Variants in BTBD9 observed in about 807,000 individuals in gnomAD.
BTBD9 encodes the protein BTB domain containing 9, also known as BTB/POZ domain-containing protein 9.
In BTBD9, 49 loss-of-function variants were observed where a neutral mutation model predicts 64.3. The observed-to-expected ratio is 0.76, with a 90% CI of 0.61 to 0.97. The LOEUF (loss-of-function observed/expected upper bound fraction) is 0.97. BTBD9 is among the 50% of genes least tolerant of loss of function. The pLI is 0.00. For missense variants in BTBD9, 598 were observed against 762.1 expected, an observed-to-expected ratio of 0.78 and a Z score of 2.53; for synonymous variants, 260 against 274.7, an observed-to-expected ratio of 0.95 and a Z score of 0.53.
chr6:38,386,630 CTTTTTTTTT>C (rs11423572), intron 6 of BTBD9, among the ~76,000 whole-genome samples: 3 of 92,772 alleles, frequency 3.2e-5, no homozygotes, highest in African/African-American at 1.3e-4. Flanking sequence ...CCAGTTTACT[CTTTTTTTTT>C]TTTTTTTTTT....
chr6:38,477,111 G>A (rs904799817), intron 6 of BTBD9, among the ~76,000 whole-genome samples: 1 of 152,156 alleles, frequency 6.6e-6, no homozygotes, highest in African/African-American at 2.4e-5. Flanking sequence ...ATCCTAAAAG[G>A]GAAGAGCTCC....
chr6:38,423,095 T>C (rs1466277286), intron 6 of BTBD9, among the ~76,000 whole-genome samples: 1 of 152,012 alleles, frequency 6.6e-6, no homozygotes, highest in Non-Finnish European at 1.5e-5. Context: ...TAAAACCTCG[T>C]CTCTACTAAA....
At chr6:38,348,330 GTTTAAGA>G (rs1435479510) in intron 6 of BTBD9, among the ~76,000 whole-genome samples, 1 of 152,164 alleles carries the variant, frequency 6.6e-6, no homozygotes, top group East Asian at 1.9e-4. Context: ...TATAGGTAAA[GTTTAAGA>G]TTTATTTCTT....
intron 4 of BTBD9, among the ~76,000 whole-genome samples, chr6:38,590,741 C>T (rs762644246): frequency 1.3e-5 from 2 of 152,162 alleles, no homozygotes; most frequent in East Asian, 1.9e-4. Context: ...TTTCTGAAAT[C>T]GCAGTGTAGA....
intron 9 of BTBD9, among the ~76,000 whole-genome samples, chr6:38,198,223 G>C (rs900269077): frequency 6.6e-6 from 1 of 152,236 alleles, no homozygotes; most frequent in African/African-American, 2.4e-5. Flanking sequence ...GAATTTGCTG[G>C]AGATGGAATT....
chr6:38,610,846 G>A (rs536954652), intron 1 of BTBD9, among the ~76,000 whole-genome samples: 1 of 150,424 alleles, frequency 6.6e-6, no homozygotes, highest in African/African-American at 2.4e-5. Flanking sequence ...TCCTATGGCC[G>A]AGCAATTTAG....
chr6:38,266,578 A>AGAAAGAAAGGAAAGAAAG (rs1198955278), intron 8 of BTBD9, among the ~76,000 whole-genome samples: 1 of 145,572 alleles, frequency 6.9e-6, no homozygotes, highest in African/African-American at 2.6e-5. Flanking sequence ...AGTCTCAACA[A>AGAAAGAAAGGAAAGAAAG]GAAAGAAAGG....
intron 9 of BTBD9, among the ~76,000 whole-genome samples, chr6:38,233,216 C>T (rs1763672290): frequency 6.6e-6 from 1 of 151,998 alleles, no homozygotes; most frequent in Non-Finnish European, 1.5e-5. Flanking sequence ...AAGTTGTTCC[C>T]AAAATATAAC....
intron 4 of BTBD9, among the ~76,000 whole-genome samples, chr6:38,585,970 A>G (rs1776502807): frequency 6.6e-6 from 1 of 151,174 alleles, no homozygotes; most frequent in African/African-American, 2.5e-5. Context: ...ACACACACAC[A>G]CACACACACG....
At chr6:38,327,889 A>G (rs1763503542) in intron 7 of BTBD9, among the ~76,000 whole-genome samples, 1 of 152,168 alleles carries the variant, frequency 6.6e-6, no homozygotes, top group African/African-American at 2.4e-5. Flanking sequence ...ACATTTCATG[A>G]AGAAATTACC....
chr6:38,361,631 A>T (rs1764964467), intron 6 of BTBD9, among the ~76,000 whole-genome samples: 1 of 152,188 alleles, frequency 6.6e-6, no homozygotes, highest in African/African-American at 2.4e-5. Flanking sequence ...ACCTGAGGTC[A>T]GGAGTTCGAG....
chr6:38,179,474 C>T (rs760904972), intron 10 of BTBD9: 2 of 456,760 alleles, frequency 4.4e-6, no homozygotes. Context: ...TCCCAGGGCT[C>T]CAGTTACAGC....
chr6:38,455,802 G>A (rs1163452237), intron 6 of BTBD9, among the ~76,000 whole-genome samples: 5 of 152,092 alleles, frequency 3.3e-5, no homozygotes, highest in Admixed American at 2.0e-4. Context: ...TCCACCTCCT[G>A]GAGTAGCGGG....
At chr6:38,192,142 T>A (rs3823431) in intron 10 of BTBD9, among the ~76,000 whole-genome samples, 90,227 of 152,092 alleles carry the variant, frequency 0.59, 27,629 homozygotes, top group African/African-American at 0.64. Context: ...GTGATAAGTC[T>A]GCAGCACGGC....
chr6:38,349,114 C>A (rs531395192), intron 6 of BTBD9, among the ~76,000 whole-genome samples: 3 of 152,088 alleles, frequency 2.0e-5, no homozygotes, highest in Non-Finnish European at 4.4e-5. Context: ...TCTCAAACTT[C>A]TGGGCTGAAA....
intron 6 of BTBD9, among the ~76,000 whole-genome samples, chr6:38,425,642 A>T (rs1768109423): frequency 6.6e-6 from 1 of 151,514 alleles, no homozygotes; most frequent in African/African-American, 2.4e-5. Context: ...ATGATAGCTT[A>T]TGCTTGTAAT....
chr6:38,316,920 T>C (rs1184077024), intron 7 of BTBD9, among the ~76,000 whole-genome samples: 1 of 152,216 alleles, frequency 6.6e-6, no homozygotes, highest in Non-Finnish European at 1.5e-5. Context: ...TGGCAAAGTA[T>C]TTATTTCTCC....
intron 6 of BTBD9, among the ~76,000 whole-genome samples, chr6:38,366,919 CAA>C (rs1198647009): frequency 6.6e-6 from 1 of 152,236 alleles, no homozygotes. Context: ...GGTAAGCACA[CAA>C]AGTGTGCTCT....
At chr6:38,402,981 G>A (rs1336241608) in intron 6 of BTBD9, 9 of 520,382 alleles carry the variant, frequency 1.7e-5, no homozygotes, top group Non-Finnish European at 2.8e-5. Flanking sequence ...GTTAAGGTGG[G>A]AGAATTGCTT....
Sources: allele counts gnomAD v4.1 joint callset (sites outside exome capture counted in the v4.1 genomes callset), GRCh38; gene constraint gnomAD v4.1.1; transcripts MANE v1.5; gene names NCBI Gene and HGNC (gene_info 2026-07-23, HGNC 2026-07-21).